MAML3: variants seen among roughly 807,000 people sequenced by gnomAD.
MAML3 encodes the protein mastermind-like protein 3.
MAML3 carries 27 observed loss-of-function variants against 101.9 expected under a neutral mutation model. That is an observed-to-expected ratio of 0.27 (90% CI 0.20 to 0.37). The LOEUF (loss-of-function observed/expected upper bound fraction) is 0.37, where lower values mean the gene tolerates loss of function less well. Among genes scored for constraint, MAML3 ranks in the 10% least tolerant of loss-of-function variants. The pLI is 1.00. For synonymous variants in MAML3, 501 were observed against 555.9 expected, an observed-to-expected ratio of 0.90 and a Z score of 1.39; for missense variants, 1,316 against 1,444.9, an observed-to-expected ratio of 0.91 and a Z score of 1.45.
chr4:139,895,846 T>C (rs1193817986), intron 1 of MAML3, among the ~76,000 whole-genome samples: 1 of 152,230 alleles, frequency 6.6e-6, no homozygotes, highest in East Asian at 1.9e-4. Flanking sequence ...TGCCACCTGA[T>C]TGGAGCCTCC....
chr4:139,947,928 C>T (rs1365817046), intron 1 of MAML3, among the ~76,000 whole-genome samples: 1 of 151,840 alleles, frequency 6.6e-6, no homozygotes, highest in East Asian at 1.9e-4. Context: ...ATGGAGAAAC[C>T]CCGTCTCTAC....
intron 1 of MAML3, among the ~76,000 whole-genome samples, chr4:139,963,469 A>G (rs1734063246): frequency 6.6e-6 from 1 of 152,244 alleles, no homozygotes; most frequent in Non-Finnish European, 1.5e-5. Flanking sequence ...GGCCAGAAGT[A>G]GAACCATGGT....
intron 2 of MAML3, among the ~76,000 whole-genome samples, chr4:139,786,705 G>A (rs1450269652): frequency 6.6e-6 from 1 of 152,156 alleles, no homozygotes; most frequent in East Asian, 1.9e-4. Flanking sequence ...CCGTCACCGG[G>A]CAGGCTGTGT....
intron 1 of MAML3, among the ~76,000 whole-genome samples, chr4:140,031,372 T>C (rs1326676305): frequency 6.6e-6 from 1 of 152,206 alleles, no homozygotes; most frequent in Non-Finnish European, 1.5e-5. Context: ...AGAATAAATA[T>C]TTAAAAATGG....
chr4:139,772,941 T>C (rs969967622), intron 2 of MAML3, among the ~76,000 whole-genome samples: 9 of 150,762 alleles, frequency 6.0e-5, no homozygotes, highest in African/African-American at 2.2e-4. Context: ...GAATAAAGTA[T>C]CAGTAGAGGG....
At chr4:140,140,217 G>C (rs761947232) in intron 1 of MAML3, among the ~76,000 whole-genome samples, 1 of 152,048 alleles carries the variant, frequency 6.6e-6, no homozygotes, top group Non-Finnish European at 1.5e-5. Flanking sequence ...CCAGCTACTC[G>C]GAAGGCTGAG....
intron 1 of MAML3, among the ~76,000 whole-genome samples, chr4:140,047,338 G>T (rs1017357667): frequency 2.0e-5 from 3 of 152,310 alleles, no homozygotes; most frequent in East Asian, 1.9e-4. Flanking sequence ...GGCAGCGGAG[G>T]TGGGTGTGAA....
At chr4:140,047,670 ACTT>A (rs1383520297) in intron 1 of MAML3, among the ~76,000 whole-genome samples, 1 of 151,578 alleles carries the variant, frequency 6.6e-6, no homozygotes, top group Admixed American at 6.6e-5. Context: ...TTATTTTTAA[ACTT>A]CTTTGCCCGC....
chr4:140,130,507 A>G (rs1476157463), intron 1 of MAML3, among the ~76,000 whole-genome samples: 1 of 152,250 alleles, frequency 6.6e-6, no homozygotes. Flanking sequence ...TGCAGCTTAT[A>G]CAATGATTTT....
intron 1 of MAML3, among the ~76,000 whole-genome samples, chr4:140,064,685 T>C (rs1180365028): frequency 1.3e-5 from 2 of 152,178 alleles, no homozygotes. Context: ...AAGCCAATAT[T>C]TAACAGTAGA....
At chr4:139,749,976 AT>A (rs1729453778) in intron 2 of MAML3, among the ~76,000 whole-genome samples, 1 of 151,224 alleles carries the variant, frequency 6.6e-6, no homozygotes, top group African/African-American at 2.4e-5. Flanking sequence ...AACAGCTATC[AT>A]TTCATTAATA....
rs546617174 is a variant in MAML3 at position 139,719,624 on chromosome 4, C to T, written c.3116G>A (p.Gly1039Asp). 1.4e-5 allele frequency: 23 copies of T among 1,612,246 alleles called. No individual in the cohort carries two copies. The highest frequency in any genetic ancestry group is 1.8e-5 in the Non-Finnish European group (21 of 1,179,314). Residue 1039 changes from glycine to aspartate, a missense_variant, in exon 5 of 5, where the codon GGC becomes GAC. Physicochemically the swap from Gly to Asp is moderately conservative, Grantham distance 94. Coordinates refer to ENST00000509479, the MANE Select transcript of MAML3 (RefSeq NM_018717.5). ...GACCATTGGCCTCGCCTGGCTGGTG[C>T]CTTGCTGCCCCGGGAGCGATGGCAT... ...QMMPSLPGQQGTSQARPMVMS... is the reference protein window; with the variant it reads ...QMMPSLPGQQDTSQARPMVMS...
At chr4:139,819,475 AT>A (rs368782795) in intron 2 of MAML3, among the ~76,000 whole-genome samples, 1,538 of 152,026 alleles carry the variant, frequency 0.01, 11 homozygotes, top group African/African-American at 0.021. Context: ...TCGATATCTT[AT>A]TTTTTTTCTC....
intron 1 of MAML3, among the ~76,000 whole-genome samples, chr4:140,049,003 A>G (rs1727224942): frequency 6.6e-6 from 1 of 152,204 alleles, no homozygotes; most frequent in Non-Finnish European, 1.5e-5. Context: ...AGAGAGAAAG[A>G]AAAAGAGAGA....
intron 1 of MAML3, among the ~76,000 whole-genome samples, chr4:139,979,881 C>T (rs1297795785): frequency 6.6e-6 from 1 of 152,180 alleles, no homozygotes; most frequent in Non-Finnish European, 1.5e-5. Flanking sequence ...GTTGTTACAG[C>T]AGCACAAAAT....
chr4:139,763,756 C>T (rs1729801274), intron 2 of MAML3, among the ~76,000 whole-genome samples: 1 of 152,160 alleles, frequency 6.6e-6, no homozygotes, highest in Non-Finnish European at 1.5e-5. Flanking sequence ...GATATCTCTG[C>T]ATGTTCAGAA....
chr4:139,971,785 T>C (rs1734239598), intron 1 of MAML3, among the ~76,000 whole-genome samples: 2 of 152,166 alleles, frequency 1.3e-5, no homozygotes, highest in Admixed American at 6.5e-5. Context: ...TTGACTTTCT[T>C]TGGGGAGCCA....
intron 1 of MAML3, among the ~76,000 whole-genome samples, chr4:140,132,719 C>T (rs566874399): frequency 1.3e-5 from 2 of 152,328 alleles, no homozygotes; most frequent in East Asian, 1.9e-4. Flanking sequence ...TCCCTGAAAA[C>T]ATTTGTTCAC....
intron 1 of MAML3, among the ~76,000 whole-genome samples, chr4:140,104,414 A>ATATAT (rs1728314902): frequency 2.3e-4 from 5 of 21,554 alleles, no homozygotes; most frequent in East Asian, 9.3e-4. Context: ...ATATAATATA[A>ATATAT]TATATAATAT....
Sources: allele counts gnomAD v4.1 joint callset (sites outside exome capture counted in the v4.1 genomes callset), GRCh38; gene constraint gnomAD v4.1.1; transcripts MANE v1.5; gene names NCBI Gene and HGNC (gene_info 2026-07-23, HGNC 2026-07-21).